Variants in BMPER observed in about 807,000 individuals in gnomAD.
BMPER encodes BMP binding endothelial regulator, also known as BMP-binding endothelial regulator protein.
BMPER carries 45 observed loss-of-function variants against 87.3 expected under a neutral mutation model. That is an observed-to-expected ratio of 0.52 (90% confidence interval 0.41 to 0.66). BMPER has a LOEUF of 0.66. BMPER is among the 30% of genes least tolerant of loss of function. BMPER has a pLI of 0.00. For missense variants in BMPER, 784 were observed against 867.5 expected (o/e 0.90, Z 1.21); for synonymous variants, 326 against 316.2 (o/e 1.03, Z -0.33).
chr7:33,950,525 C>T (rs1469974494), intron 3 of BMPER, among the ~76,000 whole-genome samples: 1 of 152,146 alleles, frequency 6.6e-6, no homozygotes. Context: ...GCTCAGGGCC[C>T]TCTTCTAAGC....
chr7:34,025,234 A>G (rs1199373326), intron 6 of BMPER, among the ~76,000 whole-genome samples: 4 of 152,100 alleles, frequency 2.6e-5, no homozygotes, highest in African/African-American at 9.7e-5. Context: ...AATGACTTAT[A>G]ATATTTTAAA....
chr7:33,938,397 G>A lies in BMPER; in HGVS notation c.319+1009G>A, dbSNP rs758198815. Among the ~76,000 whole-genome samples the A allele has an allele frequency of 1.1e-4, 16 of 152,180 alleles. 1 individual carries two copies. The highest frequency in any genetic ancestry group is 2.0e-4 in the Admixed American group (3 of 15,274). On this transcript the variant is annotated intron_variant, in intron 3 of 14. Transcript: ENST00000649409. ...AGATGAAGTCATGCTGAATTTGGGTGGCCCCAAATCCAATGTGACTTGTGT... is the reference window on the plus strand; with the variant it reads ...AGATGAAGTCATGCTGAATTTGGGTAGCCCCAAATCCAATGTGACTTGTGT...
rs571206516 is a variant in BMPER at position 33,935,994 on chromosome 7, C to T, written c.220-1295C>T. The stretch of plus-strand genomic sequence containing the variant: ...GGGCAAGGCAAGGCCCAACCCTCCC[C>T]GTAGAACTCACTCTCAGCTCACACA... On this transcript the variant is annotated intron_variant, in intron 2 of 14. Transcript: ENST00000649409. 5.9e-5 allele frequency among the ~76,000 whole-genome samples: 9 copies of T among 152,200 alleles called. No individual in the cohort carries two copies. The East Asian group carries it at 1.4e-3, about 23-fold the overall frequency.
intron 2 of BMPER, among the ~76,000 whole-genome samples, chr7:33,915,916 A>G (rs1414399650): frequency 6.6e-6 from 1 of 152,178 alleles, no homozygotes; most frequent in Non-Finnish European, 1.5e-5. Flanking sequence ...TAACATTTCT[A>G]TATCTCAACA....
At chr7:34,114,125 C>T (rs952006468) in intron 13 of BMPER, among the ~76,000 whole-genome samples, 2 of 152,160 alleles carry the variant, frequency 1.3e-5, no homozygotes, top group African/African-American at 4.8e-5. Flanking sequence ...ATGTGTTTCA[C>T]CCCCTTCCTC....
intron 13 of BMPER, among the ~76,000 whole-genome samples, chr7:34,114,447 A>G (rs2127987245): frequency 6.6e-6 from 1 of 152,374 alleles, no homozygotes; most frequent in Admixed American, 6.5e-5. Context: ...ATAAAACCCA[A>G]TTCATAAATT....
At chr7:33,970,302 C>T in intron 4 of BMPER, 27 bp from the exon 5 acceptor site, 1 of 1,606,240 alleles carries the variant, frequency 6.2e-7, no homozygotes, top group East Asian at 2.2e-5. Context: ...TCTGGGCTGA[C>T]TTTGCTTGTT....
intron 11 of BMPER, among the ~76,000 whole-genome samples, chr7:34,070,056 A>T (rs564210282): frequency 6.6e-6 from 1 of 152,158 alleles, no homozygotes; most frequent in East Asian, 1.9e-4. Flanking sequence ...CCACAGCTCC[A>T]CTTTCATGGT....
chr7:33,953,622 GT>G (rs1349747607), intron 3 of BMPER, among the ~76,000 whole-genome samples: 1 of 152,116 alleles, frequency 6.6e-6, no homozygotes, highest in Admixed American at 6.5e-5. Context: ...AGGCAACTGT[GT>G]TCTTTTTTAT....
intron 13 of BMPER, among the ~76,000 whole-genome samples, chr7:34,142,613 A>AT (rs1224760847): frequency 7.2e-5 from 11 of 152,126 alleles, no homozygotes; most frequent in African/African-American, 2.4e-4. Flanking sequence ...TTTATTTAGA[A>AT]TTTGTCACTT....
chr7:33,994,572 AC>A, intron 6 of BMPER, among the ~76,000 whole-genome samples: 1 of 152,136 alleles, frequency 6.6e-6, no homozygotes, highest in South Asian at 2.1e-4. Context: ...TGCAGAAATC[AC>A]CCGTCTTCTG....
intron 3 of BMPER, among the ~76,000 whole-genome samples, chr7:33,944,280 C>T (rs1784830305): frequency 6.6e-6 from 1 of 152,040 alleles, no homozygotes; most frequent in Non-Finnish European, 1.5e-5. Flanking sequence ...ATTCTCATGC[C>T]TCAGCCTCCC....
chr7:33,927,246 C>A (rs1562634786), intron 2 of BMPER, among the ~76,000 whole-genome samples: 1 of 152,204 alleles, frequency 6.6e-6, no homozygotes. Flanking sequence ...GAAAAATCTT[C>A]TGTTTCATTG....
chr7:34,074,198 G>C (rs551094580), intron 11 of BMPER, among the ~76,000 whole-genome samples: 1 of 152,206 alleles, frequency 6.6e-6, no homozygotes, highest in Admixed American at 6.5e-5. Flanking sequence ...ACTATTTCTG[G>C]TGGATTACAG....
At chr7:33,966,431 C>T (rs1562657108) in intron 3 of BMPER, 48 bp from the exon 4 acceptor site, 1 of 1,506,376 alleles carries the variant, frequency 6.6e-7, no homozygotes, top group African/African-American at 1.4e-5. Context: ...TAAAGGAAAC[C>T]CATACCCATT....
chr7:33,955,251 T>C (rs1053904712), intron 3 of BMPER, among the ~76,000 whole-genome samples: 2 of 152,306 alleles, frequency 1.3e-5, no homozygotes, highest in African/African-American at 4.8e-5. Flanking sequence ...TTCTCTTTAA[T>C]CACTTATCTA....
intron 13 of BMPER, among the ~76,000 whole-genome samples, chr7:34,137,013 A>G (rs1245723537): frequency 5.3e-5 from 8 of 152,222 alleles, no homozygotes; most frequent in Non-Finnish European, 1.2e-4. Context: ...AACCACTCGG[A>G]TATGCTGTTG....
chr7:34,077,812 A>G (rs1295075364), intron 11 of BMPER, among the ~76,000 whole-genome samples: 1 of 152,192 alleles, frequency 6.6e-6, no homozygotes, highest in Non-Finnish European at 1.5e-5. Flanking sequence ...TATTCTGAGA[A>G]ATTACTTATA....
In BMPER at chr7:34,079,095, C is replaced by T. The variant is rs751915557; in HGVS notation, c.1317C>T (p.Arg439=). Residue 439 remains arginine, a synonymous_variant, in exon 12 of 15, where the codon CGC becomes CGT. Transcript: ENST00000649409. ...GCCTGCAGCAGCACCTCACCGTGCG[C>T]TGGAACGGCTCGCGCATCGCGCTCC... ...RVSLQQHLTV[R]WNGSRIALPC... 2 of 1,613,856 alleles carry T rather than the reference C, an allele frequency of 1.2e-6. No homozygotes were observed. Among genetic ancestry groups the T allele is most frequent in the Non-Finnish European group, 1.7e-6 (2 of 1,179,976 alleles).
Sources: gnomAD v4.1 joint callset for allele counts (sites outside exome capture counted in the v4.1 genomes callset) on GRCh38, gnomAD v4.1.1 for gene constraint, MANE v1.5 for transcripts, NCBI Gene and HGNC (gene_info 2026-07-23, HGNC 2026-07-21) for gene names.